The following DDX42 variants were observed in gnomAD, a reference collection of about 807,000 sequenced individuals.
The protein encoded by DDX42 is ATP-dependent RNA helicase DDX42.
DDX42 carries 22 observed loss-of-function variants against 101.5 expected under a neutral mutation model. That is an observed-to-expected ratio of 0.22 (90% CI 0.15 to 0.31). The LOEUF is 0.31. Ranked by LOEUF, DDX42 falls within the 10% of genes least tolerant of loss-of-function variation. The probability of loss-of-function intolerance (pLI) is 1.00; values close to 1 mark genes in which losing one functional copy is unlikely to be tolerated. For missense variants in DDX42, 849 were observed against 1,199.9 expected (o/e 0.71, Z 4.32); for synonymous variants, 402 against 401.2 (o/e 1.00, Z -0.02).
chr17:63,795,511 T>C (rs2597633), intron 3 of DDX42, among the ~76,000 whole-genome samples: 105,745 of 152,106 alleles, frequency 0.7, 38,041 homozygotes, highest in African/African-American at 0.9. Context: ...ACCACCACAC[T>C]TGGCTAATTT....
At chr17:63,788,891 G>GTTTT (rs1202139637) in intron 2 of DDX42, among the ~76,000 whole-genome samples, 2 of 151,450 alleles carry the variant, frequency 1.3e-5, no homozygotes, top group East Asian at 3.9e-4. Context: ...TTTTTGTTTT[G>GTTTT]TTTTGTTTTT....
intron 2 of DDX42, among the ~76,000 whole-genome samples, chr17:63,791,259 T>C (rs2144545930): frequency 6.6e-6 from 1 of 152,332 alleles, no homozygotes; most frequent in East Asian, 1.9e-4. Flanking sequence ...AGATGTCCTT[T>C]CTGAATACTT....
At position 63,818,504 on chromosome 17, in the gene DDX42, G is replaced by GGT; in HGVS notation, c.*106_*107insGT. 1.0e-6 allele frequency: 1 copy of GGT among 1,001,588 alleles called. No homozygotes were observed. The highest frequency in any genetic ancestry group is 1.7e-5 in the South Asian group (1 of 58,846). 62.0% of individuals were successfully genotyped at this position (1,001,588 alleles called of 1,614,324 possible). On this transcript the variant is annotated 3_prime_UTR_variant, in exon 18 of 18. Coordinates refer to ENST00000389924, the MANE Select transcript of DDX42 (RefSeq NM_203499.3). ...GGGGTCCAAAGTGTAAGGACCCCCT[G>GGT]CCCTTAGTGGAGAGCTGGAGCTTGG...
At chr17:63,804,252 C>G (rs1243982430) in intron 6 of DDX42, among the ~76,000 whole-genome samples, 1 of 151,180 alleles carries the variant, frequency 6.6e-6, no homozygotes, top group Non-Finnish European at 1.5e-5. Context: ...TGAGTCTAGC[C>G]TGGGCAACAT....
At chr17:63,783,114 A>G (rs185443584) in intron 1 of DDX42, among the ~76,000 whole-genome samples, 1 of 151,574 alleles carries the variant, frequency 6.6e-6, no homozygotes, top group Non-Finnish European at 1.5e-5. Context: ...CTTTGCTCCC[A>G]CTCATGGACC....
At chr17:63,813,839 C>T (rs948524932) in intron 15 of DDX42, among the ~76,000 whole-genome samples, 2 of 151,638 alleles carry the variant, frequency 1.3e-5, no homozygotes, top group Non-Finnish European at 2.9e-5. Flanking sequence ...AGTATAGTGC[C>T]CCCCCACCTT....
chr17:63,778,910 A>AT (rs1279457132), intron 1 of DDX42, among the ~76,000 whole-genome samples: 3 of 151,690 alleles, frequency 2.0e-5, no homozygotes, highest in South Asian at 2.1e-4. Flanking sequence ...ATAATCAGAA[A>AT]TTTTTTTTTA....
At chr17:63,787,583 A>G (rs1025554394) in intron 2 of DDX42, among the ~76,000 whole-genome samples, 2 of 152,162 alleles carry the variant, frequency 1.3e-5, no homozygotes, top group Non-Finnish European at 2.9e-5. Context: ...TCACACCTGT[A>G]ATCCCAGCAC....
At chr17:63,807,956 C>CGGCT (rs2039862351) in intron 9 of DDX42, 56 bp downstream of exon 9, 17 of 1,522,874 alleles carry the variant, frequency 1.1e-5, no homozygotes, top group Non-Finnish European at 1.4e-5. Flanking sequence ...AGGGACCAGC[C>CGGCT]AGTCAAGTGA....
chr17:63,801,399 C>G (rs1332415379), intron 6 of DDX42, among the ~76,000 whole-genome samples: 1 of 151,994 alleles, frequency 6.6e-6, no homozygotes, highest in Admixed American at 6.6e-5. Context: ...CCTGTGTTTA[C>G]TGTTTTTGTT....
At position 63,818,100 on chromosome 17, in the gene DDX42, A is replaced by G; in HGVS notation, c.2519A>G (p.His840Arg). ...DSPRHGDGGR[H>R]GDGYRHPESS... ...CCACGTCACGGAGATGGTGGTCGCC[A>G]TGGAGATGGATACCGCCATCCAGAA... is the stretch of plus-strand genomic sequence containing the variant. Residue 840 changes from histidine (H) to arginine (R), a missense_variant, in exon 18 of 18, where the codon CAT becomes CGT. Coordinates refer to ENST00000389924, the MANE Select transcript of DDX42 (RefSeq NM_203499.3). 1 of 1,614,028 alleles carries G rather than the reference A, an allele frequency of 6.2e-7. No individual in the cohort carries two copies. Among genetic ancestry groups the G allele is most frequent in the East Asian group, 2.2e-5 (1 of 44,874 alleles).
At chr17:63,799,511 A>G (rs755470675) in intron 4 of DDX42, 78 bp from the exon 5 acceptor site, 21 of 1,539,866 alleles carry the variant, frequency 1.4e-5, no homozygotes, top group South Asian at 4.7e-5. Flanking sequence ...GTGGAATTCA[A>G]CACTAATCTG....
At chr17:63,816,146 A>G (rs144317400) in intron 16 of DDX42, among the ~76,000 whole-genome samples, 1 of 152,328 alleles carries the variant, frequency 6.6e-6, no homozygotes, top group African/African-American at 2.4e-5. Flanking sequence ...GTCGGGAGCT[A>G]GTTTTTCTCA....
chr17:63,806,486 TG>T, intron 7 of DDX42, 48 bp from the exon 8 acceptor site: 1 of 1,562,364 alleles, frequency 6.4e-7, no homozygotes, highest in South Asian at 1.2e-5. Flanking sequence ...CTTCAAATGC[TG>T]TTAATGTTGA....
At chr17:63,778,805 T>A (rs2039451922) in intron 1 of DDX42, among the ~76,000 whole-genome samples, 2 of 152,160 alleles carry the variant, frequency 1.3e-5, no homozygotes, top group African/African-American at 4.8e-5. Flanking sequence ...CACGCCTGGC[T>A]AATTTTTGTA....
chr17:63,789,864 C>T (rs2144543259), intron 2 of DDX42, among the ~76,000 whole-genome samples: 1 of 152,228 alleles, frequency 6.6e-6, no homozygotes, highest in Admixed American at 6.5e-5. Flanking sequence ...TGAGCCACTG[C>T]ACCTGGCCAA....
chr17:63,792,151 A>G (rs1258530058), intron 2 of DDX42, among the ~76,000 whole-genome samples: 1 of 152,020 alleles, frequency 6.6e-6, no homozygotes, highest in Non-Finnish European at 1.5e-5. Context: ...CTTCCCTTTT[A>G]ACAGAACTGG....
At chr17:63,798,316 G>A in intron 4 of DDX42, 1 of 409,298 alleles carries the variant, frequency 2.4e-6, no homozygotes, top group South Asian at 4.2e-5. Flanking sequence ...AATAGTATTT[G>A]GTCTTTGACT....
intron 4 of DDX42, 97 bp downstream of exon 4, chr17:63,798,196 G>T: frequency 9.9e-7 from 1 of 1,011,926 alleles, no homozygotes; most frequent in Non-Finnish European, 1.5e-6. Context: ...AAATATTGAC[G>T]TACACTTGTG....
Sources: gnomAD v4.1 joint callset for allele counts (sites outside exome capture counted in the v4.1 genomes callset) on GRCh38, gnomAD v4.1.1 for gene constraint, MANE v1.5 for transcripts, NCBI Gene and HGNC (gene_info 2026-07-23, HGNC 2026-07-21) for gene names.